The following PRKCZ variants were observed in gnomAD, a reference collection of about 807,000 sequenced individuals.
The protein encoded by PRKCZ is protein kinase C zeta.
Under a neutral mutation model 79.5 loss-of-function variants are expected in PRKCZ, and 33 were observed. The ratio of observed to expected loss-of-function variants is 0.41; its 90% confidence interval spans 0.31 to 0.55. The LOEUF is 0.55. PRKCZ is among the 20% of genes least tolerant of loss of function. The pLI, the probability that PRKCZ is intolerant of heterozygous loss-of-function variation, is 0.19. For missense variants in PRKCZ, 578 were observed against 813.5 expected, an observed-to-expected ratio of 0.71 and a Z score of 3.52; for synonymous variants, 342 against 320.9, an observed-to-expected ratio of 1.07 and a Z score of -0.70.
intron 4 of PRKCZ, among the ~76,000 whole-genome samples, chr1:2,076,852 A>G (rs567566288): frequency 2.0e-5 from 3 of 152,208 alleles, no homozygotes; most frequent in East Asian, 3.9e-4. Context: ...TGTCACTCAT[A>G]CAGGAGACGC....
At chr1:2,100,112 G>A (rs747253235) in intron 4 of PRKCZ, among the ~76,000 whole-genome samples, 2 of 152,162 alleles carry the variant, frequency 1.3e-5, no homozygotes, top group Non-Finnish European at 2.9e-5. Context: ...TCCTATGAGG[G>A]CCAGTGGGGA....
At chr1:2,102,457 C>A (rs1283280777) in intron 4 of PRKCZ, among the ~76,000 whole-genome samples, 2 of 151,800 alleles carry the variant, frequency 1.3e-5, no homozygotes, top group East Asian at 1.9e-4. Context: ...CTCAGCCTCC[C>A]GAGTAGCTGG....
chr1:2,052,353 A>T (rs113936340), intron 1 of PRKCZ, among the ~76,000 whole-genome samples: 3,933 of 151,870 alleles, frequency 0.026, 166 homozygotes, highest in African/African-American at 0.091. Context: ...CTGGTTTCCC[A>T]GGCTGGAGAG....
chr1:2,064,247 G>C (rs1186729200), intron 4 of PRKCZ, among the ~76,000 whole-genome samples: 1 of 152,206 alleles, frequency 6.6e-6, no homozygotes, highest in African/African-American at 2.4e-5. Context: ...AGTGTTACTA[G>C]TTCTCTGTCC....
intron 4 of PRKCZ, among the ~76,000 whole-genome samples, chr1:2,085,288 G>A (rs575752182): frequency 1.2e-4 from 19 of 152,366 alleles, no homozygotes; most frequent in African/African-American, 4.3e-4. Context: ...GAAGCTGGTA[G>A]CACACAGAAG....
intron 11 of PRKCZ, 62 bp from the exon 12 acceptor site, chr1:2,171,989 AGGCT>A: frequency 3.3e-6 from 5 of 1,524,036 alleles, no homozygotes; most frequent in Non-Finnish European, 4.4e-6. Flanking sequence ...TGTGGCCCCC[AGGCT>A]GGAGCTGTTG....
chr1:2,120,356 A>G (rs1571547049), intron 4 of PRKCZ, among the ~76,000 whole-genome samples: 2 of 122,206 alleles, frequency 1.6e-5, no homozygotes, highest in African/African-American at 6.6e-5. Flanking sequence ...CTGGAGTGCA[A>G]TGGCGCGATC....
intron 7 of PRKCZ, among the ~76,000 whole-genome samples, chr1:2,148,442 T>C (rs999108053): frequency 1.3e-5 from 2 of 151,950 alleles, no homozygotes; most frequent in African/African-American, 2.4e-5. Flanking sequence ...TATCCATCCA[T>C]CTATTGTCCA....
chr1:2,158,968 C>T (rs1175574530), intron 10 of PRKCZ, among the ~76,000 whole-genome samples: 2 of 152,056 alleles, frequency 1.3e-5, no homozygotes, highest in African/African-American at 4.8e-5. Flanking sequence ...CTCTGTCACC[C>T]AGGCTGGAGT....
intron 4 of PRKCZ, chr1:2,116,301 G>A (rs1395739846): frequency 6.6e-6 from 1 of 152,222 alleles, no homozygotes; most frequent in Non-Finnish European, 1.5e-5. Flanking sequence ...GTGGCCTCGC[G>A]ACGGCTGAGG....
At chr1:2,070,253 G>A (rs1370138583) in intron 4 of PRKCZ, among the ~76,000 whole-genome samples, 4 of 152,052 alleles carry the variant, frequency 2.6e-5, no homozygotes, top group African/African-American at 9.7e-5. Context: ...CTGGGGAAAG[G>A]TGTCCTACAT....
intron 4 of PRKCZ, among the ~76,000 whole-genome samples, chr1:2,122,005 C>T (rs371213787): frequency 3.1e-3 from 3 of 982 alleles, no homozygotes; most frequent in Non-Finnish European, 1.4e-3. Flanking sequence ...GTTAGGGTCA[C>T]GGTGGTGGTT....
intron 16 of PRKCZ, among the ~76,000 whole-genome samples, chr1:2,175,803 C>T (rs1169902793): frequency 6.6e-5 from 10 of 152,190 alleles, no homozygotes; most frequent in African/African-American, 2.2e-4. Context: ...AGGGGCCGGA[C>T]GAGCTCGGCC....
At position 2,056,567 on chromosome 1, in the gene PRKCZ, A is replaced by G. The variant is rs1279881487; in HGVS notation, c.277A>G (p.Ile93Val). ...ARQCRDEGLI[I>V]HVFPSTPEQP... ...TCAGTGCAGGGATGAAGGCCTCATCATTCATGGTTAGTGGCGGGGTCTGTG... is the reference window on the plus strand; with the variant it reads ...TCAGTGCAGGGATGAAGGCCTCATCGTTCATGGTTAGTGGCGGGGTCTGTG... The change falls in exon 3 of 18, where the codon ATT (isoleucine) becomes GTT (valine). Residue 93 changes from isoleucine to valine, a missense_variant. Coordinates refer to ENST00000378567, the MANE Select transcript of PRKCZ (RefSeq NM_002744.6). The G allele has an allele frequency of 1.2e-6, 2 of 1,612,928 alleles. No homozygotes were observed. Among genetic ancestry groups the G allele is most frequent in the Non-Finnish European group, 1.7e-6 (2 of 1,179,534 alleles).
At chr1:2,148,073 T>C (rs1319829621) in intron 7 of PRKCZ, among the ~76,000 whole-genome samples, 1 of 150,452 alleles carries the variant, frequency 6.6e-6, no homozygotes, top group East Asian at 2.0e-4. Context: ...CATCTATCCA[T>C]CCATCTATTG....
chr1:2,123,613 G>A (rs796092927), intron 4 of PRKCZ, among the ~76,000 whole-genome samples: 3 of 3,136 alleles, frequency 9.6e-4, no homozygotes, highest in Non-Finnish European at 1.5e-3. Flanking sequence ...TCACGGTGGT[G>A]GTTAGGGTCA....
In PRKCZ at chr1:2,185,084, C is replaced by T. The variant is rs1300477202; in HGVS notation, c.*75C>T. 3.6e-6 allele frequency: 5 copies of T among 1,395,210 alleles called. No individual in the cohort carries two copies. In the African/African-American group the frequency reaches 5.7e-5, roughly 16 times the overall value. The allele number at this position is 1,395,210 out of a possible 1,614,324, so 86.4% of individuals were successfully genotyped here. On this transcript the variant is annotated 3_prime_UTR_variant, in exon 18 of 18. Coordinates refer to ENST00000378567, the MANE Select transcript of PRKCZ (RefSeq NM_002744.6). ...ATCCTTAACCACCGCATATGCATGC[C>T]AGGCTGGGCACGGCTCCGAGGGCGG...
Position 2,149,344 on chromosome 1 carries a change from C to G in PRKCZ, c.687+420C>G, listed in dbSNP as rs1283184309. Reference sequence around the variant, plus strand: ...TTTCATGTCCTTCCCCAACTTGAGCCAAGAGGCTCAACTGAGCCTCACGTC... The same window carrying G: ...TTTCATGTCCTTCCCCAACTTGAGCGAAGAGGCTCAACTGAGCCTCACGTC... On this transcript the variant is annotated intron_variant, in intron 8 of 17. Coordinates refer to ENST00000378567, the MANE Select transcript of PRKCZ (RefSeq NM_002744.6). The surrounding 1 kb of genome is among the most constrained non-coding windows in gnomAD (Gnocchi z 4.1). Among the ~76,000 whole-genome samples, 1 of 152,226 alleles carries G rather than the reference C, an allele frequency of 6.6e-6. No homozygotes were observed. The highest frequency in any genetic ancestry group is 2.4e-5 in the African/African-American group (1 of 41,460).
chr1:2,052,474 C>G (rs930237639), intron 1 of PRKCZ, among the ~76,000 whole-genome samples: 3 of 151,260 alleles, frequency 2.0e-5, no homozygotes, highest in Admixed American at 6.6e-5. Flanking sequence ...TCTTCCCGCT[C>G]TCCCCTCTCT....
Sources: allele counts gnomAD v4.1 joint callset (sites outside exome capture counted in the v4.1 genomes callset), GRCh38; gene constraint gnomAD v4.1.1; non-coding constraint Gnocchi (gnomAD v3.1); transcripts MANE v1.5; gene names NCBI Gene and HGNC (gene_info 2026-07-23, HGNC 2026-07-21).